SH3RF3: variants seen among roughly 807,000 people sequenced by gnomAD.
The protein encoded by SH3RF3 is E3 ubiquitin-protein ligase SH3RF3.
A neutral mutation model predicts 66.3 loss-of-function variants in SH3RF3; 29 were observed. The observed-to-expected ratio is 0.44, with a 90% CI of 0.33 to 0.60. SH3RF3 has a LOEUF of 0.60. Among genes scored for constraint, SH3RF3 ranks in the 20% least tolerant of loss-of-function variants. The pLI is 0.04. For synonymous variants in SH3RF3, 583 were observed against 532.0 expected (o/e 1.10, Z -1.32); for missense variants, 1,194 against 1,190.9 (o/e 1.00, Z -0.04).
intron 1 of SH3RF3, among the ~76,000 whole-genome samples, chr2:109,299,207 C>G (rs1681398444): frequency 1.3e-5 from 2 of 152,264 alleles, no homozygotes; most frequent in South Asian, 2.1e-4. Flanking sequence ...AACTGCGACC[C>G]TGCCTCCCCA....
chr2:109,171,799 G>A (rs993149349), intron 1 of SH3RF3, among the ~76,000 whole-genome samples: 3 of 152,358 alleles, frequency 2.0e-5, no homozygotes, highest in Non-Finnish European at 2.9e-5. Context: ...CACTTGCAGC[G>A]GGGAGTGGCT....
chr2:109,256,177 A>C (rs1033576771), intron 1 of SH3RF3, among the ~76,000 whole-genome samples: 1 of 152,124 alleles, frequency 6.6e-6, no homozygotes, highest in African/African-American at 2.4e-5. Context: ...GCCCTCACTG[A>C]GTCCTGTCCC....
intron 1 of SH3RF3, among the ~76,000 whole-genome samples, chr2:109,320,498 C>T (rs1013852582): frequency 3.9e-5 from 6 of 152,314 alleles, no homozygotes; most frequent in Non-Finnish European, 5.9e-5. Context: ...GCCAGTTATA[C>T]CCTTTCATGC....
intron 1 of SH3RF3, among the ~76,000 whole-genome samples, chr2:109,338,092 A>G (rs1320986984): frequency 1.3e-5 from 2 of 152,162 alleles, no homozygotes; most frequent in East Asian, 3.8e-4. Flanking sequence ...GAACTTTAGT[A>G]AACACGCTGT....
chr2:109,294,371 G>T (rs1681257673), intron 1 of SH3RF3, among the ~76,000 whole-genome samples: 1 of 152,018 alleles, frequency 6.6e-6, no homozygotes. Context: ...GACCAGCTTG[G>T]TCAACATGGT....
At chr2:109,161,783 C>T (rs1677495852) in intron 1 of SH3RF3, among the ~76,000 whole-genome samples, 1 of 151,920 alleles carries the variant, frequency 6.6e-6, no homozygotes, top group Admixed American at 6.6e-5. Flanking sequence ...CACTCACCAC[C>T]ACCCCCAGGG....
intron 3 of SH3RF3, among the ~76,000 whole-genome samples, chr2:109,396,540 C>T (rs1482153702): frequency 6.6e-6 from 1 of 152,228 alleles, no homozygotes; most frequent in East Asian, 1.9e-4. Flanking sequence ...GCCACTTAAA[C>T]TCAGCAGGGC....
intron 1 of SH3RF3, among the ~76,000 whole-genome samples, chr2:109,193,400 C>T (rs1248847151): frequency 6.6e-6 from 1 of 152,116 alleles, no homozygotes; most frequent in African/African-American, 2.4e-5. Flanking sequence ...AATCATAGAC[C>T]ATTTTTATCA....
intron 1 of SH3RF3, among the ~76,000 whole-genome samples, chr2:109,156,694 C>T (rs776221146): frequency 8.5e-5 from 13 of 152,138 alleles, no homozygotes; most frequent in Non-Finnish European, 1.8e-4. Flanking sequence ...GATCTCGCCT[C>T]GGCCTCCCAA....
At chr2:109,257,511 G>A (rs1484433055) in intron 1 of SH3RF3, among the ~76,000 whole-genome samples, 1 of 152,176 alleles carries the variant, frequency 6.6e-6, no homozygotes, top group Non-Finnish European at 1.5e-5. Flanking sequence ...GGCACACCAA[G>A]AGTCTGGCTG....
intron 2 of SH3RF3, 32 bp from the exon 3 acceptor site, chr2:109,371,554 T>C (rs768439730): frequency 6.3e-7 from 1 of 1,591,654 alleles, no homozygotes. Flanking sequence ...TGTGTCCGTA[T>C]GCTTGTGTCC....
chr2:109,434,093 A>G (rs1677331103), intron 6 of SH3RF3, among the ~76,000 whole-genome samples: 1 of 152,172 alleles, frequency 6.6e-6, no homozygotes, highest in South Asian at 2.1e-4. Context: ...CCTGGCCTGG[A>G]GTTGGGCTCA....
chr2:109,300,222 T>TA (rs1681421953), intron 1 of SH3RF3, among the ~76,000 whole-genome samples: 2 of 152,116 alleles, frequency 1.3e-5, no homozygotes, highest in Admixed American at 6.5e-5. Flanking sequence ...TTCTTTGAGA[T>TA]AGAGTCTCAC....
At chr2:109,466,813 CTA>C (rs1161237800) in intron 8 of SH3RF3, among the ~76,000 whole-genome samples, 10 of 151,572 alleles carry the variant, frequency 6.6e-5, no homozygotes, top group Non-Finnish European at 1.0e-4. Context: ...GTGTGTATGT[CTA>C]TATGTGTGTA....
intron 1 of SH3RF3, among the ~76,000 whole-genome samples, chr2:109,245,145 T>C (rs531144981): frequency 1.1e-4 from 16 of 152,228 alleles, no homozygotes; most frequent in Non-Finnish European, 4.4e-5. Flanking sequence ...CACGGGAAGC[T>C]CCCCTGCTGG....
chr2:109,358,440 G>A (rs1682994679), intron 2 of SH3RF3, among the ~76,000 whole-genome samples: 2 of 152,204 alleles, frequency 1.3e-5, no homozygotes, highest in Admixed American at 1.3e-4. Context: ...AGTTTGCATG[G>A]TAAAAGCATG....
chr2:109,284,109 A>G (rs1416834185), intron 1 of SH3RF3, among the ~76,000 whole-genome samples: 2 of 152,070 alleles, frequency 1.3e-5, no homozygotes, highest in Non-Finnish European at 2.9e-5. Flanking sequence ...GTAATGAAAG[A>G]CCTTGAACGA....
chr2:109,455,050 C>T (rs921151684), intron 8 of SH3RF3, among the ~76,000 whole-genome samples: 1 of 152,170 alleles, frequency 6.6e-6, no homozygotes, highest in Non-Finnish European at 1.5e-5. Context: ...CATGATGTTC[C>T]TGAGGCTCAG....
intron 7 of SH3RF3, 86 bp from the exon 8 acceptor site, chr2:109,449,084 C>A: frequency 6.8e-7 from 1 of 1,463,504 alleles, no homozygotes; most frequent in South Asian, 1.3e-5. Flanking sequence ...GAGAAGGGAG[C>A]CTGAGTGTGC....
Sources: gnomAD v4.1 joint callset for allele counts (sites outside exome capture counted in the v4.1 genomes callset) on GRCh38, gnomAD v4.1.1 for gene constraint, MANE v1.5 for transcripts, NCBI Gene and HGNC (gene_info 2026-07-23, HGNC 2026-07-21) for gene names.